PXDNL: variants seen among roughly 807,000 people sequenced by gnomAD.
PXDNL encodes probable oxidoreductase PXDNL.
Under a neutral mutation model 150.8 loss-of-function variants are expected in PXDNL, and 145 were observed. That is an observed-to-expected ratio of 0.96 (90% CI 0.84 to 1.10). The LOEUF (loss-of-function observed/expected upper bound fraction) is 1.10. Ranked by LOEUF, PXDNL falls within the 50% of genes least tolerant of loss-of-function variation. The probability of loss-of-function intolerance (pLI) is 0.00; values close to 1 mark genes in which losing one functional copy is unlikely to be tolerated. For synonymous variants in PXDNL, 757 were observed against 725.7 expected (o/e 1.04, Z -0.69); for missense variants, 2,087 against 1,873.9 (o/e 1.11, Z -2.10).
Position 51,638,039 on chromosome 8 carries a change from C to T in PXDNL, c.236+16650G>A, listed in dbSNP as rs559566487. Among the ~76,000 whole-genome samples, 78 of 152,214 alleles carry T rather than the reference C, an allele frequency of 5.1e-4. 1 individual carries two copies. The highest frequency in any genetic ancestry group is 4.4e-3 in the Admixed American group (67 of 15,294). On this transcript the variant is annotated intron_variant, in intron 2 of 22. Coordinates refer to ENST00000356297, the MANE Select transcript of PXDNL (RefSeq NM_144651.5). Reference sequence around the variant, plus strand: ...TCTACAAGCCAGAAGAGACTGGCGGCGAATATTCAACATTCTTAAAGAAAA... The same window carrying T: ...TCTACAAGCCAGAAGAGACTGGCGGTGAATATTCAACATTCTTAAAGAAAA...
intron 2 of PXDNL, among the ~76,000 whole-genome samples, chr8:51,610,905 T>C (rs6994137): frequency 0.47 from 72,100 of 152,058 alleles, 21,554 homozygotes; most frequent in African/African-American, 0.84. Flanking sequence ...CCCTTTTGAT[T>C]GACTCAAAGT....
chr8:51,441,777 A>T (rs1278481698), intron 12 of PXDNL, among the ~76,000 whole-genome samples: 1 of 152,150 alleles, frequency 6.6e-6, no homozygotes, highest in Non-Finnish European at 1.5e-5. Context: ...CTGTCCATTG[A>T]ATGAGGAAAC....
At chr8:51,593,580 T>G (rs923033797) in intron 2 of PXDNL, among the ~76,000 whole-genome samples, 2 of 152,176 alleles carry the variant, frequency 1.3e-5, no homozygotes, top group African/African-American at 4.8e-5. Flanking sequence ...TATGAATGAT[T>G]AGGAAAACAG....
At chr8:51,611,828 G>T (rs1201998717) in intron 2 of PXDNL, among the ~76,000 whole-genome samples, 1 of 152,230 alleles carries the variant, frequency 6.6e-6, no homozygotes, top group Non-Finnish European at 1.5e-5. Flanking sequence ...AAGGAGCACG[G>T]CACTTTGGAG....
chr8:51,584,723 A>T (rs996595459), intron 3 of PXDNL, among the ~76,000 whole-genome samples: 3 of 152,192 alleles, frequency 2.0e-5, no homozygotes, highest in African/African-American at 7.2e-5. Flanking sequence ...GGTGATTGTC[A>T]TGAAGGCTGA....
At chr8:51,576,230 A>G (rs1353027947) in intron 3 of PXDNL, among the ~76,000 whole-genome samples, 8 of 151,276 alleles carry the variant, frequency 5.3e-5, no homozygotes, top group Admixed American at 5.3e-4. Context: ...AAAAAAACTC[A>G]ATTCACATCC....
At chr8:51,428,768 A>T (rs1490476497) in intron 12 of PXDNL, among the ~76,000 whole-genome samples, 1 of 152,210 alleles carries the variant, frequency 6.6e-6, no homozygotes, top group Non-Finnish European at 1.5e-5. Flanking sequence ...AATAGGAGAA[A>T]ATCTTTGATA....
At chr8:51,731,468 C>T (rs952905019) in intron 1 of PXDNL, among the ~76,000 whole-genome samples, 14 of 152,220 alleles carry the variant, frequency 9.2e-5, no homozygotes, top group Admixed American at 2.6e-4. Context: ...CAGGAACTGG[C>T]GTTGAGTGTC....
chr8:51,490,301 T>C (rs540364646), intron 5 of PXDNL, among the ~76,000 whole-genome samples: 7 of 152,296 alleles, frequency 4.6e-5, no homozygotes, highest in African/African-American at 7.2e-5. Flanking sequence ...TGTTTCCTGA[T>C]CCTACAATAA....
At position 51,730,413 on chromosome 8, in the gene PXDNL, C is replaced by G. The variant is rs140889232; in HGVS notation, c.165-75653G>C. 3.6e-3 allele frequency among the ~76,000 whole-genome samples: 549 copies of G among 152,276 alleles called. 5 individuals carry two copies. Among genetic ancestry groups the G allele is most frequent in the African/African-American group, 0.013 (521 of 41,554 alleles). On this transcript the variant is annotated intron_variant, in intron 1 of 22. Transcript: ENST00000356297. Reference sequence around the variant, plus strand: ...TATATCATTGCTATATTTTCATAATCTGGGTGTCATCAAACTATAAGCCTT... The same window carrying G: ...TATATCATTGCTATATTTTCATAATGTGGGTGTCATCAAACTATAAGCCTT...
At chr8:51,321,328 G>A (rs1308020287) in intron 21 of PXDNL, among the ~76,000 whole-genome samples, 1 of 152,156 alleles carries the variant, frequency 6.6e-6, no homozygotes, top group Non-Finnish European at 1.5e-5. Context: ...ATGAAAGCAA[G>A]CAGACCAGGG....
chr8:51,591,232 A>T (rs1433373938), intron 3 of PXDNL, among the ~76,000 whole-genome samples: 1 of 152,212 alleles, frequency 6.6e-6, no homozygotes, highest in African/African-American at 2.4e-5. Context: ...TTTTTAAAAA[A>T]ATTAATTACC....
intron 18 of PXDNL, 98 bp downstream of exon 18, chr8:51,374,499 T>C: frequency 7.8e-7 from 1 of 1,284,324 alleles, no homozygotes; most frequent in Admixed American, 1.9e-5. Flanking sequence ...TCAATATGCA[T>C]TAAATCATAA....
At chr8:51,456,002 C>T (rs749557267) in intron 9 of PXDNL, among the ~76,000 whole-genome samples, 18 of 152,136 alleles carry the variant, frequency 1.2e-4, no homozygotes, top group Non-Finnish European at 2.2e-4. Flanking sequence ...TGATTCACTG[C>T]AATTTCCTCC....
intron 17 of PXDNL, among the ~76,000 whole-genome samples, chr8:51,383,917 A>G (rs538700583): frequency 7.9e-5 from 12 of 152,230 alleles, no homozygotes; most frequent in Non-Finnish European, 1.5e-4. Context: ...ACACAAGGGC[A>G]GAGGTCCTGT....
At chr8:51,733,886 T>C (rs757739430) in intron 1 of PXDNL, among the ~76,000 whole-genome samples, 4 of 148,372 alleles carry the variant, frequency 2.7e-5, no homozygotes, top group Non-Finnish European at 4.5e-5. Context: ...ATATATTACA[T>C]ATAAAGGAAA....
chr8:51,403,931 C>T (rs984665667), intron 17 of PXDNL, among the ~76,000 whole-genome samples: 5 of 152,128 alleles, frequency 3.3e-5, no homozygotes, highest in African/African-American at 9.7e-5. Flanking sequence ...TTCTGATGTT[C>T]GGACGTGTTC....
At chr8:51,406,910 T>C (rs980307602) in intron 17 of PXDNL, among the ~76,000 whole-genome samples, 1 of 152,228 alleles carries the variant, frequency 6.6e-6, no homozygotes. Context: ...ACTGAAATGA[T>C]CATGTTATAA....
chr8:51,363,166 G>A (rs527382450), intron 19 of PXDNL, among the ~76,000 whole-genome samples: 42 of 152,266 alleles, frequency 2.8e-4, no homozygotes, highest in African/African-American at 8.4e-4. Context: ...GCTGTCTTCC[G>A]TCCTGACTTC....
Sources: gnomAD v4.1 joint callset for allele counts (sites outside exome capture counted in the v4.1 genomes callset) on GRCh38, gnomAD v4.1.1 for gene constraint, MANE v1.5 for transcripts, NCBI Gene and HGNC (gene_info 2026-07-23, HGNC 2026-07-21) for gene names.